PCSK6: variants seen among roughly 807,000 people sequenced by gnomAD.
PCSK6 encodes the protein paired basic amino acid cleaving enzyme 4.
Under a neutral mutation model 123.3 loss-of-function variants are expected in PCSK6, and 85 were observed. That is an observed-to-expected ratio of 0.69 (90% CI 0.58 to 0.83). PCSK6 has a LOEUF of 0.83. Among genes scored for constraint, PCSK6 ranks in the 40% least tolerant of loss-of-function variants. The probability of loss-of-function intolerance (pLI) is 0.00; values close to 1 mark genes in which losing one functional copy is unlikely to be tolerated. For missense variants in PCSK6, 1,191 were observed against 1,282.3 expected, an observed-to-expected ratio of 0.93 and a Z score of 1.09; for synonymous variants, 508 against 516.0, an observed-to-expected ratio of 0.98 and a Z score of 0.21.
chr15:101,368,561 C>T lies in PCSK6; in HGVS notation c.1721+1774G>A, dbSNP rs111702898. 7.7e-3 allele frequency among the ~76,000 whole-genome samples: 1,180 copies of T among 152,334 alleles called. 14 individuals are homozygous for T. Among genetic ancestry groups the T allele is most frequent in the African/African-American group, 0.026 (1,101 of 41,582 alleles). ...GTCACTGCCACCCGCCTGCCTGCTA[C>T]CTGCTGCCCCAGCCTCTCAGCCTCA... On this transcript the variant is annotated intron_variant, in intron 12 of 21. Transcript: ENST00000611716.
At chr15:101,349,231 C>A (rs746883990) in intron 13 of PCSK6, among the ~76,000 whole-genome samples, 4 of 152,190 alleles carry the variant, frequency 2.6e-5, no homozygotes, top group Non-Finnish European at 2.9e-5. Context: ...CTTGGCTTAT[C>A]ATCTCCTCCT....
chr15:101,316,434 A>C (rs2039990739), intron 19 of PCSK6: 1 of 152,262 alleles, frequency 6.6e-6, no homozygotes, highest in African/African-American at 2.4e-5. Context: ...AAGAAAAGTG[A>C]ATTATTGAAA....
intron 2 of PCSK6, among the ~76,000 whole-genome samples, chr15:101,440,773 A>G (rs140334837): frequency 2.2e-4 from 33 of 152,366 alleles, no homozygotes; most frequent in Non-Finnish European, 4.4e-4. Context: ...GATGCACTGC[A>G]ATAAAAGATA....
chr15:101,324,662 G>A (rs757036463), intron 17 of PCSK6, among the ~76,000 whole-genome samples, 188 bp downstream of exon 17: 3 of 152,228 alleles, frequency 2.0e-5, no homozygotes, highest in Non-Finnish European at 4.4e-5. Context: ...GTGGGGAAGT[G>A]CTATTAACTA....
At chr15:101,350,195 C>T (rs1377902328) in intron 13 of PCSK6, among the ~76,000 whole-genome samples, 1 of 152,176 alleles carries the variant, frequency 6.6e-6, no homozygotes, top group Non-Finnish European at 1.5e-5. Flanking sequence ...CGTGAGACAA[C>T]GCACCTGGCC....
intron 6 of PCSK6, among the ~76,000 whole-genome samples, chr15:101,407,557 T>C (rs112965984): frequency 6.6e-6 from 1 of 152,210 alleles, no homozygotes; most frequent in African/African-American, 2.4e-5. Context: ...CACTACTCCC[T>C]TAACCTAACC....
chr15:101,348,773 G>A (rs1158561986), intron 13 of PCSK6, among the ~76,000 whole-genome samples: 1 of 152,140 alleles, frequency 6.6e-6, no homozygotes, highest in African/African-American at 2.4e-5. Flanking sequence ...TCCGTGACCA[G>A]GCCAGGAAGC....
chr15:101,396,748 G>C (rs979099539), intron 7 of PCSK6, among the ~76,000 whole-genome samples: 1 of 152,072 alleles, frequency 6.6e-6, no homozygotes, highest in East Asian at 1.9e-4. Flanking sequence ...AAGCTGCCTC[G>C]GTGTTTTCTT....
chr15:101,330,316 T>C (rs1359063470), intron 15 of PCSK6, among the ~76,000 whole-genome samples: 1 of 152,172 alleles, frequency 6.6e-6, no homozygotes, highest in Non-Finnish European at 1.5e-5. Context: ...GCTCACTTCC[T>C]CTATTTCTTG....
At chr15:101,417,203 C>T (rs1596312368) in intron 6 of PCSK6, among the ~76,000 whole-genome samples, 1 of 152,274 alleles carries the variant, frequency 6.6e-6, no homozygotes, top group South Asian at 2.1e-4. Context: ...CTCTTGCCAC[C>T]GCCATGTTAA....
chr15:101,358,283 G>T (rs1258002447), intron 13 of PCSK6, among the ~76,000 whole-genome samples: 1 of 152,180 alleles, frequency 6.6e-6, no homozygotes, highest in South Asian at 2.1e-4. Flanking sequence ...CTAATGGCCT[G>T]TATTTTCTAT....
chr15:101,427,247 T>C (rs1241598247), intron 6 of PCSK6, among the ~76,000 whole-genome samples: 1 of 152,130 alleles, frequency 6.6e-6, no homozygotes, highest in African/African-American at 2.4e-5. Context: ...CAAGAAGAGC[T>C]GATTCCCTGG....
At position 101,430,032 on chromosome 15, in the gene PCSK6, T is replaced by C. The variant is rs1204586996; in HGVS notation, c.689A>G (p.Asn230Ser). The change falls in exon 5 of 22, where the codon AAT (asparagine) becomes AGT (serine). Residue 230 changes from asparagine (N) to serine (S), a missense_variant. By Grantham distance (46) the Asn-to-Ser change is conservative (BLOSUM62 1). Around this residue, in one of 3 missense-constraint regions of PCSK6, gnomAD observed 357 missense variants for 484.5 expected, o/e 0.74. Coordinates refer to ENST00000611716, the MANE Select transcript of PCSK6 (RefSeq NM_002570.5). ...DSYASYDVNG[N>S]DYDPSPRYDA... is the part of the protein sequence containing the mutation. ...ATATCGTGGAGATGGGTCATAATCA[T>C]TGCCGTTCACGTCGTAGCTGGCGTA... 1.2e-6 allele frequency: 2 copies of C among 1,613,922 alleles called. No individual in the cohort carries two copies. Among genetic ancestry groups the C allele is most frequent in the Non-Finnish European group, 1.7e-6 (2 of 1,179,824 alleles).
intron 20 of PCSK6, chr15:101,308,540 T>A (rs2039776286): frequency 6.6e-6 from 1 of 152,238 alleles, no homozygotes; most frequent in African/African-American, 2.4e-5. Context: ...CTAGTGTGTC[T>A]GAGGATGCTG....
intron 16 of PCSK6, 61 bp downstream of exon 16, chr15:101,326,316 C>T: frequency 7.5e-7 from 1 of 1,328,730 alleles, no homozygotes; most frequent in Non-Finnish European, 1.1e-6. Context: ...CATGGAGGGG[C>T]TAAGGATACA....
chr15:101,370,447 C>T lies in PCSK6; in HGVS notation c.1609G>A (p.Val537Ile). ...CGAACCACCACGTGCTCCAAGTAGA[C>T]CACCCGCTGGTCCGAGTGCTCCGCG... Reference protein sequence around the residue: ...ACAEHSDQRVVYLEHVVVRTS... With the variant: ...ACAEHSDQRVIYLEHVVVRTS... The change falls in exon 12 of 22, where the codon GTC (valine) becomes ATC (isoleucine). Residue 537 changes from valine (V) to isoleucine (I), a missense_variant. Val to Ile is a conservative substitution (Grantham distance 29, BLOSUM62 3). Coordinates refer to ENST00000611716, the MANE Select transcript of PCSK6 (RefSeq NM_002570.5). 6.4e-7 allele frequency: 1 copy of T among 1,551,334 alleles called. No individual in the cohort carries two copies. The highest frequency in any genetic ancestry group is 8.7e-7 in the Non-Finnish European group (1 of 1,146,732).
chr15:101,480,720 T>C (rs2057856636), intron 1 of PCSK6, among the ~76,000 whole-genome samples: 1 of 152,168 alleles, frequency 6.6e-6, no homozygotes, highest in South Asian at 2.1e-4. Context: ...TCCAGGGCAC[T>C]AGTGGGGCCT....
chr15:101,467,745 G>A (rs183171312), intron 1 of PCSK6, among the ~76,000 whole-genome samples: 1 of 151,930 alleles, frequency 6.6e-6, no homozygotes, highest in African/African-American at 2.4e-5. Flanking sequence ...ATGTTAAACT[G>A]GGGGGAGAAA....
At chr15:101,337,024 TA>T (rs1266672669) in intron 13 of PCSK6, 1 of 152,044 alleles carries the variant, frequency 6.6e-6, no homozygotes, top group Non-Finnish European at 1.5e-5. Context: ...TTTTTTTTTT[TA>T]GATGGTGTCT....
Sources: allele counts gnomAD v4.1 joint callset (sites outside exome capture counted in the v4.1 genomes callset), GRCh38; gene constraint gnomAD v4.1.1; regional missense constraint gnomAD v4.1.1; transcripts MANE v1.5; gene names NCBI Gene and HGNC (gene_info 2026-07-23, HGNC 2026-07-21).